Variants in ANKRD24 observed in about 807,000 individuals in gnomAD.
The protein encoded by ANKRD24 is ankyrin repeat domain 24, also known as ankyrin repeat domain-containing protein 24.
ANKRD24 carries 109 observed loss-of-function variants against 127.8 expected under a neutral mutation model. That is an observed-to-expected ratio of 0.85 (90% CI 0.73 to 1.00). The LOEUF (loss-of-function observed/expected upper bound fraction) is 1.00. ANKRD24 is among the 50% of genes least tolerant of loss of function. The pLI, the probability that ANKRD24 is intolerant of heterozygous loss-of-function variation, is 0.00. For missense variants in ANKRD24, 1,648 were observed against 1,570.2 expected (o/e 1.05, Z -0.84); for synonymous variants, 743 against 671.1 (o/e 1.11, Z -1.66).
At chr19:4,200,711 G>T (rs1293956485) in intron 5 of ANKRD24, among the ~76,000 whole-genome samples, 2 of 152,012 alleles carry the variant, frequency 1.3e-5, no homozygotes, top group East Asian at 3.9e-4. Flanking sequence ...TAGTAGGGAT[G>T]GGGTCTCCCT....
chr19:4,185,419 A>G (rs1968006554), intron 1 of ANKRD24, among the ~76,000 whole-genome samples: 1 of 152,072 alleles, frequency 6.6e-6, no homozygotes, highest in Non-Finnish European at 1.5e-5. Context: ...ACGAGTAGAT[A>G]GGTGGACAGG....
At chr19:4,185,169 T>C (rs1295978829) in intron 1 of ANKRD24, among the ~76,000 whole-genome samples, 8 of 150,182 alleles carry the variant, frequency 5.3e-5, no homozygotes, top group African/African-American at 1.7e-4. Flanking sequence ...GATGGATAAG[T>C]GGATGGATGG....
intron 2 of ANKRD24, among the ~76,000 whole-genome samples, chr19:4,191,444 A>G (rs1241491473): frequency 6.6e-6 from 1 of 151,158 alleles, no homozygotes; most frequent in Non-Finnish European, 1.5e-5. Flanking sequence ...TTATTTATGT[A>G]TTTACTTTTA....
At position 4,213,272 on chromosome 19, in the gene ANKRD24, C is replaced by T. The variant is rs149478348; in HGVS notation, c.1197+574C>T. On this transcript the variant is annotated intron_variant, in intron 15 of 21. Coordinates refer to ENST00000318934, the MANE Select transcript of ANKRD24 (RefSeq NM_001393985.1). Reference sequence around the variant, plus strand: ...TTCCTTTCCTTCTTTCCTTTCCTTCCTTCCTTCCCTCCTTCCTTCCTTTCT... The same window carrying T: ...TTCCTTTCCTTCTTTCCTTTCCTTCTTTCCTTCCCTCCTTCCTTCCTTTCT... 5.6e-3 allele frequency among the ~76,000 whole-genome samples: 791 copies of T among 142,330 alleles called. 9 individuals are homozygous for T. The highest frequency in any genetic ancestry group is 0.019 in the African/African-American group (666 of 35,068). 93.4% of individuals were successfully genotyped at this position (142,330 alleles called of 152,430 possible). A position where few individuals can be genotyped will look rare whatever the true frequency, so the allele number is the denominator to read the frequency against.
At chr19:4,196,744 C>G (rs879402141) in intron 2 of ANKRD24, among the ~76,000 whole-genome samples, 3 of 152,162 alleles carry the variant, frequency 2.0e-5, no homozygotes, top group Non-Finnish European at 4.4e-5. Flanking sequence ...TCCAGGCCTG[C>G]GAATGCTGCG....
At chr19:4,206,975 G>T in intron 7 of ANKRD24, 1 of 513,778 alleles carries the variant, frequency 1.9e-6, no homozygotes, top group Non-Finnish European at 3.5e-6. Flanking sequence ...GTGCCATCAT[G>T]GTTCACTGCA....
At position 4,207,275 on chromosome 19, in the gene ANKRD24, T is replaced by A; in HGVS notation, c.500T>A (p.Leu167His). 1 of 1,613,804 alleles carries A rather than the reference T, an allele frequency of 6.2e-7. No individual in the cohort carries two copies. Among genetic ancestry groups the A allele is most frequent in the Non-Finnish European group, 8.5e-7 (1 of 1,179,848 alleles). The change falls in exon 8 of 22, where the codon CTC becomes CAC. Residue 167 changes from leucine to histidine, a missense_variant. Physicochemically the swap from Leu to His is moderately conservative, Grantham distance 99. Transcript: ENST00000318934. ...AGGCLSCSEV[L>H]CSFKAHLNPQ... ...GGCTGTCTCTCCTGCTCAGAGGTGCTCTGCTCCTTTAAGGCACATCTAAAC... is the reference window on the plus strand; with the variant it reads ...GGCTGTCTCTCCTGCTCAGAGGTGCACTGCTCCTTTAAGGCACATCTAAAC...
chr19:4,183,323 G>C, intron 1 of ANKRD24: 5 of 986,418 alleles, frequency 5.1e-6, no homozygotes, highest in Non-Finnish European at 6.0e-6. Context: ...GCATTCTGCA[G>C]GACAGGTCCT....
Position 4,198,629 on chromosome 19 carries a change from T to G in ANKRD24, c.37-1054T>G. ...CGGCTGACCTGGACCACCCCCCCAT[T>G]CCAGACCCGGGAAAGATGGTCGGCG... is the stretch of plus-strand genomic sequence containing the variant. On this transcript the variant is annotated intron_variant, in intron 2 of 21. Coordinates refer to ENST00000318934, the MANE Select transcript of ANKRD24 (RefSeq NM_001393985.1). This position sits in a 1 kb window ranked among gnomAD's most constrained non-coding sequence, Gnocchi z 6.1. 1.5e-5 allele frequency: 6 copies of G among 397,212 alleles called. No homozygotes were observed. Among genetic ancestry groups the G allele is most frequent in the African/African-American group, 2.1e-5 (1 of 47,998 alleles). The allele number at this position is 397,212 out of a possible 1,614,324, so 24.6% of individuals were successfully genotyped here.
intron 1 of ANKRD24, chr19:4,186,120 G>A (rs2145206879): frequency 1.9e-6 from 1 of 539,134 alleles, no homozygotes. Context: ...GCCAGGCTCT[G>A]TGTAGGGACC....
chr19:4,185,078 G>T, intron 1 of ANKRD24, among the ~76,000 whole-genome samples: 1 of 151,124 alleles, frequency 6.6e-6, no homozygotes, highest in South Asian at 2.1e-4. Context: ...GTGGATGGGT[G>T]TGTGATTGGG....
At position 4,208,816 on chromosome 19, in the gene ANKRD24, G is replaced by A; in HGVS notation, c.870+15G>A. 1.2e-6 allele frequency: 2 copies of A among 1,612,142 alleles called. No homozygotes were observed. The highest frequency in any genetic ancestry group is 2.2e-5 in the South Asian group (2 of 90,728). ...CGTCATCTCAGGTATGGACCCCTAA[G>A]CAGTGAAGGAGCCCCTCCTCCCTGC... On this transcript the variant is annotated intron_variant, in intron 11 of 21. Transcript: ENST00000318934.
At chr19:4,182,828 T>A (rs1292522639) in intron 1 of ANKRD24, 88 bp downstream of exon 1, 4 of 805,186 alleles carry the variant, frequency 5.0e-6, no homozygotes, top group Non-Finnish European at 6.0e-6. Context: ...CAGTCACCTC[T>A]AAAATGCGGG....
chr19:4,216,238 C>T (rs1015024443), intron 16 of ANKRD24, 46 bp from the exon 17 acceptor site: 12 of 1,526,964 alleles, frequency 7.9e-6, no homozygotes, highest in African/African-American at 6.9e-5. Flanking sequence ...CCTCCTGTCC[C>T]CCTGTGGCCC....
chr19:4,207,944 G>A lies in ANKRD24; in HGVS notation c.808G>A (p.Ala270Thr). Residue 270 changes from alanine to threonine, a missense_variant, in exon 10 of 22, where the codon GCC (alanine) becomes ACC (threonine). Ala to Thr is a moderately conservative substitution (Grantham distance 58). Transcript: ENST00000318934. ...KLILHLLQEA[A>T]QRPSPPSALT... ...CATCCTGCACCTTCTGCAAGAGGCGGCCCAGCGCCCCTCCCCACCCAGCGG... is the reference window on the plus strand; with the variant it reads ...CATCCTGCACCTTCTGCAAGAGGCGACCCAGCGCCCCTCCCCACCCAGCGG... 6.6e-7 allele frequency: 1 copy of A among 1,519,886 alleles called. No homozygotes were observed. Among genetic ancestry groups the A allele is most frequent in the Non-Finnish European group, 8.8e-7 (1 of 1,136,348 alleles). 94.1% of individuals were successfully genotyped at this position (1,519,886 alleles called of 1,614,324 possible). A position where few individuals can be genotyped will look rare whatever the true frequency, so the allele number is the denominator to read the frequency against.
intron 7 of ANKRD24, among the ~76,000 whole-genome samples, chr19:4,206,387 C>T (rs890143177): frequency 8.6e-5 from 13 of 151,226 alleles, no homozygotes; most frequent in African/African-American, 2.7e-4. Flanking sequence ...ACAGTCCCGG[C>T]GGCAGATTGC....
Position 4,210,364 on chromosome 19 carries a change from C to T in ANKRD24, c.1051C>T (p.Gln351Ter). ...CCTGGAACAGCACAAGGAACGGAGG[C>T]AGCAGGAGGTTAGGAGGCCTCGGAG... ...RGLEQHKERR[Q>*]QESPEASSLH... Residue 351 changes from glutamine to a stop codon, truncating the protein, a stop_gained, in exon 13 of 22, where the codon CAG (glutamine) becomes TAG (stop). Coordinates refer to ENST00000318934, the MANE Select transcript of ANKRD24 (RefSeq NM_001393985.1). LOFTEE classifies it high-confidence loss of function. The T allele has an allele frequency of 1.3e-6, 2 of 1,558,818 alleles. No individual in the cohort carries two copies. The highest frequency in any genetic ancestry group is 1.7e-6 in the Non-Finnish European group (2 of 1,152,114).
chr19:4,193,216 C>T (rs145578307), intron 2 of ANKRD24, among the ~76,000 whole-genome samples: 97 of 141,172 alleles, frequency 6.9e-4, no homozygotes, highest in African/African-American at 2.0e-3. Flanking sequence ...GCAGGAGAAT[C>T]GCTTGAATCC....
At chr19:4,187,000 G>C (rs1434785140) in intron 2 of ANKRD24, among the ~76,000 whole-genome samples, 2 of 152,168 alleles carry the variant, frequency 1.3e-5, no homozygotes, top group African/African-American at 4.8e-5. Context: ...GTGTCGCAAA[G>C]ACAGACAAAG....
Sources: allele counts gnomAD v4.1 joint callset (sites outside exome capture counted in the v4.1 genomes callset), GRCh38; gene constraint gnomAD v4.1.1; non-coding constraint Gnocchi (gnomAD v3.1); transcripts MANE v1.5; gene names NCBI Gene and HGNC (gene_info 2026-07-23, HGNC 2026-07-21).